Variants in DPF3 observed in about 807,000 individuals in gnomAD.
DPF3 encodes double PHD fingers 3, also known as zinc finger protein DPF3.
Under a neutral mutation model 56.8 loss-of-function variants are expected in DPF3, and 18 were observed. The observed-to-expected ratio is 0.32, with a 90% CI of 0.22 to 0.47. The LOEUF (loss-of-function observed/expected upper bound fraction) is 0.47, where lower values mean the gene tolerates loss of function less well. Ranked by LOEUF, DPF3 falls within the 20% of genes least tolerant of loss-of-function variation. The pLI is 1.00. For missense variants in DPF3, 403 were observed against 488.8 expected (o/e 0.82, Z 1.65); for synonymous variants, 188 against 180.2 (o/e 1.04, Z -0.35).
At chr14:72,816,176 A>C (rs947544002) in intron 1 of DPF3, among the ~76,000 whole-genome samples, 8 of 151,838 alleles carry the variant, frequency 5.3e-5, no homozygotes, top group Non-Finnish European at 1.2e-4. Context: ...AGAGCCCTGC[A>C]CTCCCACCCT....
At chr14:72,800,376 A>ATG (rs1399770584) in intron 1 of DPF3, among the ~76,000 whole-genome samples, 1 of 33,290 alleles carries the variant, frequency 3.0e-5, no homozygotes, top group African/African-American at 4.5e-5. Flanking sequence ...ATAAATAGAT[A>ATG]AATGGATGGA....
chr14:72,710,974 C>G (rs1888628511), intron 6 of DPF3, among the ~76,000 whole-genome samples: 1 of 152,204 alleles, frequency 6.6e-6, no homozygotes, highest in African/African-American at 2.4e-5. Flanking sequence ...TAAAAGGCAT[C>G]AAGCAAACTC....
At chr14:72,772,655 CTT>C (rs1294772128) in intron 1 of DPF3, among the ~76,000 whole-genome samples, 3 of 152,302 alleles carry the variant, frequency 2.0e-5, no homozygotes, top group East Asian at 1.9e-4. Context: ...GTTCCTGACT[CTT>C]TGGTATTTTT....
chr14:72,712,806 G>A (rs1181465465), intron 6 of DPF3, among the ~76,000 whole-genome samples: 1 of 152,246 alleles, frequency 6.6e-6, no homozygotes, highest in Non-Finnish European at 1.5e-5. Context: ...GGTCAAGGCT[G>A]TAGTGAGCTA....
chr14:72,756,394 C>T (rs1890789297), intron 2 of DPF3, among the ~76,000 whole-genome samples: 1 of 152,170 alleles, frequency 6.6e-6, no homozygotes, highest in Non-Finnish European at 1.5e-5. Context: ...TAGCAGACTC[C>T]AGACAAATAC....
At chr14:72,630,208 G>A (rs972208522) in intron 8 of DPF3, among the ~76,000 whole-genome samples, 1 of 152,174 alleles carries the variant, frequency 6.6e-6, no homozygotes, top group African/African-American at 2.4e-5. Context: ...CAGAAGGATT[G>A]TATGAGGTTT....
At chr14:72,844,949 G>C (rs988834551) in intron 1 of DPF3, among the ~76,000 whole-genome samples, 2 of 152,152 alleles carry the variant, frequency 1.3e-5, no homozygotes, top group African/African-American at 4.8e-5. Context: ...GTGAGTCCCT[G>C]ACTCTACAAC....
intron 1 of DPF3, among the ~76,000 whole-genome samples, chr14:72,861,537 C>T (rs1400215275): frequency 1.3e-5 from 2 of 152,034 alleles, no homozygotes; most frequent in Non-Finnish European, 2.9e-5. Context: ...CCAGAGATAA[C>T]TTATACACCT....
At chr14:72,739,250 A>G (rs1487588003) in intron 3 of DPF3, among the ~76,000 whole-genome samples, 1 of 151,990 alleles carries the variant, frequency 6.6e-6, no homozygotes. Context: ...TCAAAAAAAA[A>G]AAAAATGCAT....
In DPF3 at chr14:72,804,538, A is replaced by G. The variant is rs1167913145; in HGVS notation, c.33-32645T>C. 2.6e-5 allele frequency among the ~76,000 whole-genome samples: 4 copies of G among 152,278 alleles called. No individual in the cohort carries two copies. The South Asian group carries it at 6.2e-4, about 24-fold the overall frequency. On this transcript the variant is annotated intron_variant, in intron 1 of 10. Coordinates refer to ENST00000556509, the MANE Select transcript of DPF3 (RefSeq NM_001280542.3). ...GAGGGTGGGATTTTTTCCTTTTCAC[A>G]TGATTATTTAAGCACAAGGCCTTCT...
At chr14:72,698,353 T>C (rs1888000732) in intron 6 of DPF3, among the ~76,000 whole-genome samples, 2 of 152,206 alleles carry the variant, frequency 1.3e-5, no homozygotes, top group Admixed American at 1.3e-4. Flanking sequence ...TGTTAGATGA[T>C]GTTGCCCAAC....
chr14:72,893,013 A>AGGCAGGCAGGC (rs1555517678), intron 1 of DPF3, among the ~76,000 whole-genome samples: 1 of 126,850 alleles, frequency 7.9e-6, no homozygotes, highest in African/African-American at 2.9e-5. Context: ...GGAAGGAAGG[A>AGGCAGGCAGGC]AGGAAGGAAG....
At chr14:72,759,526 G>C (rs999676865) in intron 2 of DPF3, among the ~76,000 whole-genome samples, 1 of 151,170 alleles carries the variant, frequency 6.6e-6, no homozygotes, top group African/African-American at 2.4e-5. Flanking sequence ...GAGAGAGAGA[G>C]AGATGAAAGA....
chr14:72,840,583 T>G (rs1884505318), intron 1 of DPF3, among the ~76,000 whole-genome samples: 1 of 152,156 alleles, frequency 6.6e-6, no homozygotes, highest in Admixed American at 6.5e-5. Context: ...GGCGTTATTG[T>G]TTAACAAAAA....
rs45495894 is a variant in DPF3, at chr14:72,609,143, A to G, written c.*10154T>C. ...AATCACAGAACAAGATACTAACCAC[A>G]GCAAGGAAGGGGTAGGGGCTTGTGA... is the stretch of plus-strand genomic sequence containing the variant. On this transcript the variant is annotated 3_prime_UTR_variant, in exon 11 of 11. Transcript: ENST00000556509. 9.8e-4 allele frequency among the ~76,000 whole-genome samples: 150 copies of G among 152,362 alleles called. 1 individual carries two copies. Among genetic ancestry groups the G allele is most frequent in the Admixed American group, 1.4e-3 (22 of 15,306 alleles).
intron 1 of DPF3, among the ~76,000 whole-genome samples, chr14:72,864,254 A>T: frequency 6.6e-6 from 1 of 150,892 alleles, no homozygotes; most frequent in Non-Finnish European, 1.5e-5. Flanking sequence ...TCTCCCTCCC[A>T]TCCAGCAGGT....
At chr14:72,636,121 T>C (rs1422984812) in intron 8 of DPF3, among the ~76,000 whole-genome samples, 1 of 152,198 alleles carries the variant, frequency 6.6e-6, no homozygotes, top group Non-Finnish European at 1.5e-5. Flanking sequence ...TTTACAGAAA[T>C]TGTATTACAT....
intron 5 of DPF3, among the ~76,000 whole-genome samples, chr14:72,714,913 C>G (rs1038263094): frequency 2.0e-5 from 3 of 152,236 alleles, no homozygotes; most frequent in African/African-American, 7.2e-5. Context: ...CCTAGCTTCA[C>G]TGACACAGCT....
At chr14:72,768,725 T>C (rs1196736087) in intron 2 of DPF3, among the ~76,000 whole-genome samples, 1 of 152,094 alleles carries the variant, frequency 6.6e-6, no homozygotes, top group Non-Finnish European at 1.5e-5. Context: ...ATGAAACAAA[T>C]AAATCCAACT....
Sources: gnomAD v4.1 joint callset for allele counts (sites outside exome capture counted in the v4.1 genomes callset) on GRCh38, gnomAD v4.1.1 for gene constraint, MANE v1.5 for transcripts, NCBI Gene and HGNC (gene_info 2026-07-23, HGNC 2026-07-21) for gene names.